Variants in CNOT6 observed in about 807,000 individuals in gnomAD.
CNOT6 encodes carbon catabolite repression 4 protein.
CNOT6 carries 12 observed loss-of-function variants against 61.2 expected under a neutral mutation model. That is an observed-to-expected ratio of 0.20 (90% CI 0.13 to 0.32). The LOEUF is 0.32. Ranked by LOEUF, CNOT6 falls within the 10% of genes least tolerant of loss-of-function variation. CNOT6 has a pLI of 1.00. For synonymous variants in CNOT6, 225 were observed against 240.6 expected (o/e 0.94, Z 0.60); for missense variants, 405 against 663.9 (o/e 0.61, Z 4.28).
chr5:180,509,126 A>C (rs1471324609), intron 1 of CNOT6, among the ~76,000 whole-genome samples: 3 of 150,182 alleles, frequency 2.0e-5, no homozygotes, highest in Admixed American at 2.0e-4. Flanking sequence ...GGCCTATTTT[A>C]TTTTATTTTT....
rs1341406222 is a variant in CNOT6 at position 180,574,738 on chromosome 5, T to A, written c.*538T>A. 1 of 153,728 alleles carries A rather than the reference T, an allele frequency of 6.5e-6. No individual in the cohort carries two copies. The highest frequency in any genetic ancestry group is 1.4e-5 in the Non-Finnish European group (1 of 69,016). The allele number at this position is 153,728 out of a possible 1,614,324, so 9.5% of individuals were successfully genotyped here. On this transcript the variant is annotated 3_prime_UTR_variant, in exon 12 of 12. Transcript: ENST00000261951. ...GATTGTATTGTAAACTGAGGCTAAA[T>A]TTTTTTTTAAACCTGTTTCATGTGT...
intron 1 of CNOT6, among the ~76,000 whole-genome samples, chr5:180,514,583 T>C (rs528367384): frequency 4.6e-5 from 7 of 152,318 alleles, no homozygotes; most frequent in Middle Eastern, 6.8e-3. Flanking sequence ...GAAATGAGAA[T>C]TAAAGTCCTA....
chr5:180,508,470 C>G (rs1317499352), intron 1 of CNOT6, among the ~76,000 whole-genome samples: 1 of 152,116 alleles, frequency 6.6e-6, no homozygotes, highest in Non-Finnish European at 1.5e-5. Flanking sequence ...CGCCACCATG[C>G]CCAGCTAATT....
chr5:180,511,057 G>A (rs890795605), intron 1 of CNOT6, among the ~76,000 whole-genome samples: 1 of 152,138 alleles, frequency 6.6e-6, no homozygotes, highest in Non-Finnish European at 1.5e-5. Flanking sequence ...TGCCTGCCTC[G>A]GCCTCCCAAA....
intron 2 of CNOT6, among the ~76,000 whole-genome samples, chr5:180,544,119 GT>G (rs1458365125): frequency 6.6e-6 from 1 of 152,118 alleles, no homozygotes; most frequent in Non-Finnish European, 1.5e-5. Context: ...CCATGACTTT[GT>G]TTTTTAAGTG....
At position 180,543,874 on chromosome 5, in the gene CNOT6, G is replaced by A. The variant is rs1452283380; in HGVS notation, c.113-6057G>A. 3.9e-5 allele frequency among the ~76,000 whole-genome samples: 6 copies of A among 151,918 alleles called. 1 individual carries two copies. In the South Asian group the frequency reaches 8.3e-4, roughly 21 times the overall value. Reference sequence around the variant, plus strand: ...TGCCCAGGCTGGAGTGCAGTGGCACGATCTCAGCTCACTGCAAGCTCCACC... The same window carrying A: ...TGCCCAGGCTGGAGTGCAGTGGCACAATCTCAGCTCACTGCAAGCTCCACC... On this transcript the variant is annotated intron_variant, in intron 2 of 11. Transcript: ENST00000261951.
chr5:180,549,561 A>C (rs1759493516), intron 2 of CNOT6, among the ~76,000 whole-genome samples: 1 of 152,100 alleles, frequency 6.6e-6, no homozygotes, highest in Non-Finnish European at 1.5e-5. Context: ...AGGCAGGAGA[A>C]TGGCATGAAC....
At chr5:180,506,763 G>C (rs1041539580) in intron 1 of CNOT6, among the ~76,000 whole-genome samples, 1 of 152,124 alleles carries the variant, frequency 6.6e-6, no homozygotes, top group African/African-American at 2.4e-5. Context: ...TTCCTAGTAA[G>C]ATAGGCACTG....
intron 2 of CNOT6, among the ~76,000 whole-genome samples, chr5:180,537,101 A>G (rs1427223625): frequency 6.6e-6 from 1 of 152,242 alleles, no homozygotes; most frequent in East Asian, 1.9e-4. Flanking sequence ...TGGTAAAGCT[A>G]CTATAAACAT....
At chr5:180,524,220 A>G (rs531176866) in intron 1 of CNOT6, among the ~76,000 whole-genome samples, 24 of 152,206 alleles carry the variant, frequency 1.6e-4, no homozygotes, top group Non-Finnish European at 2.8e-4. Flanking sequence ...TTTTTGGAAT[A>G]CTTTTATTAT....
intron 8 of CNOT6, 78 bp from the exon 9 acceptor site, chr5:180,567,771 A>G: frequency 6.2e-7 from 1 of 1,605,584 alleles, no homozygotes; most frequent in Non-Finnish European, 8.5e-7. Context: ...GAAGTTTGGG[A>G]AAACTGCGTT....
intron 2 of CNOT6, among the ~76,000 whole-genome samples, chr5:180,538,001 T>C (rs1167933058): frequency 6.6e-6 from 1 of 151,508 alleles, no homozygotes; most frequent in African/African-American, 2.4e-5. Context: ...GATTATACAG[T>C]AGACCAGCCT....
chr5:180,539,530 G>C (rs1417480869), intron 2 of CNOT6, among the ~76,000 whole-genome samples: 1 of 104,998 alleles, frequency 9.5e-6, no homozygotes, highest in Non-Finnish European at 2.0e-5. Flanking sequence ...TTTGGGATTT[G>C]ACTTCAGTAC....
chr5:180,544,257 A>G (rs1477212073), intron 2 of CNOT6, among the ~76,000 whole-genome samples: 4 of 152,262 alleles, frequency 2.6e-5, no homozygotes, highest in Non-Finnish European at 5.9e-5. Context: ...CCATACCAGC[A>G]TGGTGGATAC....
intron 4 of CNOT6, among the ~76,000 whole-genome samples, chr5:180,555,415 C>T (rs1448102094): frequency 2.0e-5 from 3 of 152,168 alleles, no homozygotes; most frequent in Non-Finnish European, 4.4e-5. Context: ...CCTTGCTTTT[C>T]CATTTCAGAT....
chr5:180,541,441 A>ATTTTTTTTTT lies in CNOT6; in HGVS notation c.113-8471_113-8462dup, dbSNP rs1163850404. Among the ~76,000 whole-genome samples, 21 of 106,538 alleles carry ATTTTTTTTTT rather than the reference A, an allele frequency of 2.0e-4. 2 individuals are homozygous for ATTTTTTTTTT. Among genetic ancestry groups the ATTTTTTTTTT allele is most frequent in the African/African-American group, 8.2e-4 (20 of 24,538 alleles). 69.9% of individuals were successfully genotyped at this position (106,538 alleles called of 152,430 possible). ...ATGAACCACCACAACTGGCCAAGAA[A>ATTTTTTTTTT]TTTTTTTTTTTTTTTTTTTTTTTTT... On this transcript the variant is annotated intron_variant, in intron 2 of 11. Coordinates refer to ENST00000261951, the MANE Select transcript of CNOT6 (RefSeq NM_001370472.1).
intron 4 of CNOT6, among the ~76,000 whole-genome samples, chr5:180,563,410 T>C: frequency 6.6e-6 from 1 of 151,248 alleles, no homozygotes; most frequent in African/African-American, 2.4e-5. Flanking sequence ...GCTTTTTTTT[T>C]CTTTTATATT....
chr5:180,524,946 G>C (rs1179638176), intron 1 of CNOT6, among the ~76,000 whole-genome samples: 1 of 152,188 alleles, frequency 6.6e-6, no homozygotes, highest in Non-Finnish European at 1.5e-5. Flanking sequence ...AGCTCTGGTA[G>C]CATAGAACAG....
intron 10 of CNOT6, among the ~76,000 whole-genome samples, chr5:180,570,882 C>G (rs1760715929): frequency 6.6e-6 from 1 of 152,080 alleles, no homozygotes; most frequent in Non-Finnish European, 1.5e-5. Flanking sequence ...AGTCTGCATA[C>G]TAAGATGCTG....
Sources: gnomAD v4.1 joint callset for allele counts (sites outside exome capture counted in the v4.1 genomes callset) on GRCh38, gnomAD v4.1.1 for gene constraint, MANE v1.5 for transcripts, NCBI Gene and HGNC (gene_info 2026-07-23, HGNC 2026-07-21) for gene names.